The following KLHL4 variants were observed in gnomAD, a reference collection of about 807,000 sequenced individuals.
The protein encoded by KLHL4 is kelch-like protein 4.
KLHL4 carries 17 observed loss-of-function variants against 45.8 expected under a neutral mutation model. The ratio of observed to expected loss-of-function variants is 0.37; its 90% CI spans 0.25 to 0.56. KLHL4 has a LOEUF of 0.56. KLHL4 is among the 20% of genes least tolerant of loss of function. The pLI is 0.79. For synonymous variants in KLHL4, 224 were observed against 189.9 expected (o/e 1.18, Z -1.47); for missense variants, 544 against 544.9 (o/e 1.00, Z 0.02).
At chrX:87,535,097 C>A (rs772246028) in intron 1 of KLHL4, among the ~76,000 whole-genome samples, 8 of 111,821 alleles carry the variant, frequency 7.2e-5, no homozygotes, top group Non-Finnish European at 1.5e-4. Context: ...TAGTACATAT[C>A]TGAGGATGAA....
intron 1 of KLHL4, among the ~76,000 whole-genome samples, chrX:87,527,801 A>T (rs778527373): frequency 1.4e-3 from 139 of 97,263 alleles, no homozygotes; most frequent in Non-Finnish European, 2.5e-3. Flanking sequence ...TGGGAAAGCT[A>T]CTCACAAAAT....
intron 1 of KLHL4, among the ~76,000 whole-genome samples, chrX:87,528,848 A>T (rs1931178648): frequency 9.1e-6 from 1 of 109,832 alleles, no homozygotes; most frequent in African/African-American, 3.3e-5. Flanking sequence ...CAGGAAGCTC[A>T]ACTGTTTCCA....
chrX:87,639,432 C>T (rs915295979), intron 9 of KLHL4, among the ~76,000 whole-genome samples: 1 of 111,310 alleles, frequency 9.0e-6, no homozygotes, highest in African/African-American at 3.3e-5. Flanking sequence ...CAAGATAGAC[C>T]ATATGACAAA....
intron 1 of KLHL4, among the ~76,000 whole-genome samples, chrX:87,593,833 C>T (rs1322751513): frequency 9.0e-6 from 1 of 111,102 alleles, no homozygotes; most frequent in African/African-American, 3.3e-5. Context: ...ATGTGGGCTA[C>T]GATCTTCACA....
rs1267363303 is a variant in KLHL4 at position 87,625,620 on chromosome X, A to C, written c.1148A>C (p.Asp383Ala). 1 of 1,201,067 alleles carries C rather than the reference A, an allele frequency of 8.3e-7. No individual in the cohort carries two copies. The highest frequency in any genetic ancestry group is 1.8e-5 in the African/African-American group (1 of 56,801). Residue 383 changes from aspartate (D) to alanine (A), a missense_variant, in exon 6 of 11, where the codon GAT (aspartate) becomes GCT (alanine). Coordinates refer to ENST00000373119, the MANE Select transcript of KLHL4 (RefSeq NM_019117.5). ...ATCACTACTTTTCAGTTACTGGCAG[A>C]TCTTGAAACCAGTTCCATGTTTACT... is the stretch of plus-strand genomic sequence containing the variant. ...LPLLPPQLLA[D>A]LETSSMFTGD... is the part of the protein sequence containing the mutation.
At chrX:87,551,501 C>A (rs1353594518) in intron 1 of KLHL4, among the ~76,000 whole-genome samples, 1 of 110,520 alleles carries the variant, frequency 9.0e-6, no homozygotes, top group East Asian at 2.8e-4. Context: ...GAAAACAATT[C>A]GAAAGTTCAT....
At chrX:87,645,488 T>C (rs1602461785) in intron 9 of KLHL4, among the ~76,000 whole-genome samples, 1 of 111,323 alleles carries the variant, frequency 9.0e-6, no homozygotes, top group East Asian at 2.8e-4. Flanking sequence ...GAAAAAGAGT[T>C]TGAAGATTCC....
At chrX:87,630,770 A>C (rs763967203) in intron 6 of KLHL4, among the ~76,000 whole-genome samples, 2 of 111,784 alleles carry the variant, frequency 1.8e-5, no homozygotes, top group South Asian at 3.7e-4. Context: ...TTATATTAAC[A>C]CTTAAAGAAA....
chrX:87,629,208 A>C (rs1335584007), intron 6 of KLHL4, among the ~76,000 whole-genome samples: 1 of 111,646 alleles, frequency 9.0e-6, no homozygotes, highest in Non-Finnish European at 1.9e-5. Context: ...GAGCTTAGAA[A>C]TGAATTGAGA....
chrX:87,641,763 G>A (rs1381795765), intron 9 of KLHL4, among the ~76,000 whole-genome samples: 1 of 110,721 alleles, frequency 9.0e-6, no homozygotes, highest in Non-Finnish European at 1.9e-5. Flanking sequence ...ACCTGTGACT[G>A]CTGGCTTTCC....
At chrX:87,539,560 T>C (rs758683640) in intron 1 of KLHL4, among the ~76,000 whole-genome samples, 27 of 110,721 alleles carry the variant, frequency 2.4e-4, no homozygotes, top group African/African-American at 8.5e-4. Flanking sequence ...GCTATTTCTC[T>C]AGGATTATTA....
At chrX:87,581,490 CT>C (rs1921278050) in intron 1 of KLHL4, among the ~76,000 whole-genome samples, 1 of 112,711 alleles carries the variant, frequency 8.9e-6, no homozygotes, top group African/African-American at 3.2e-5. Flanking sequence ...CAGTACCCCC[CT>C]GGGACAGAGC....
intron 1 of KLHL4, among the ~76,000 whole-genome samples, chrX:87,612,616 G>A (rs765191404): frequency 9.0e-6 from 1 of 111,480 alleles, no homozygotes; most frequent in African/African-American, 3.3e-5. Flanking sequence ...AATAATTTTC[G>A]TGATTTACAA....
At chrX:87,644,661 A>C (rs1345755319) in intron 9 of KLHL4, among the ~76,000 whole-genome samples, 1 of 112,199 alleles carries the variant, frequency 8.9e-6, no homozygotes, top group Non-Finnish European at 1.9e-5. Flanking sequence ...ACCAGTCTAT[A>C]AAGCCATAGT....
At chrX:87,566,807 T>C (rs994743710) in intron 1 of KLHL4, among the ~76,000 whole-genome samples, 1 of 111,363 alleles carries the variant, frequency 9.0e-6, no homozygotes, top group Non-Finnish European at 1.9e-5. Flanking sequence ...AAATAAGTCA[T>C]ATTAATATAA....
chrX:87,540,179 G>A (rs1432487229), intron 1 of KLHL4, among the ~76,000 whole-genome samples: 1 of 111,508 alleles, frequency 9.0e-6, no homozygotes, highest in African/African-American at 3.3e-5. Context: ...TAGTGATTGA[G>A]TGGTGAGTGA....
intron 1 of KLHL4, among the ~76,000 whole-genome samples, chrX:87,595,176 CA>C (rs1174421001): frequency 9.0e-6 from 1 of 111,072 alleles, no homozygotes; most frequent in East Asian, 2.9e-4. Flanking sequence ...CCCCCTCCCC[CA>C]ACCCCACAAC....
intron 2 of KLHL4, among the ~76,000 whole-genome samples, 184 bp from the exon 3 acceptor site, chrX:87,614,250 C>A (rs1261773894): frequency 9.0e-6 from 1 of 111,641 alleles, no homozygotes; most frequent in African/African-American, 3.2e-5. Context: ...ACAGCACAAA[C>A]ACACCCTCTA....
chrX:87,669,523 A>G lies in KLHL4; in HGVS notation c.*2989A>G. The G allele has an allele frequency of 1.2e-6, 1 of 817,596 alleles. No individual in the cohort carries two copies. Among genetic ancestry groups the G allele is most frequent in the Non-Finnish European group, 1.7e-6 (1 of 602,743 alleles). 67.4% of individuals were successfully genotyped at this position (817,596 alleles called of 1,213,427 possible). Reference sequence around the variant, plus strand: ...CTGGAGTTCCAAATGCAATATAGAAAAAAAAACCCTGTGACTCTGGATTTT... The same window carrying G: ...CTGGAGTTCCAAATGCAATATAGAAGAAAAAACCCTGTGACTCTGGATTTT... On this transcript the variant is annotated 3_prime_UTR_variant, in exon 11 of 11. Transcript: ENST00000373119.
Sources: gnomAD v4.1 joint callset for allele counts (sites outside exome capture counted in the v4.1 genomes callset) on GRCh38, gnomAD v4.1.1 for gene constraint, MANE v1.5 for transcripts, NCBI Gene and HGNC (gene_info 2026-07-23, HGNC 2026-07-21) for gene names.